GATAD2A: variants seen among roughly 807,000 people sequenced by gnomAD.
The protein encoded by GATAD2A is transcriptional repressor p66-alpha.
GATAD2A carries 12 observed loss-of-function variants against 68.5 expected under a neutral mutation model. The observed-to-expected ratio is 0.18, with a 90% CI of 0.11 to 0.28. The LOEUF (loss-of-function observed/expected upper bound fraction) is 0.28. GATAD2A is among the 10% of genes least tolerant of loss of function. The pLI is 1.00. For missense variants in GATAD2A, 755 were observed against 868.5 expected, an observed-to-expected ratio of 0.87 and a Z score of 1.64; for synonymous variants, 410 against 375.3, an observed-to-expected ratio of 1.09 and a Z score of -1.07.
In GATAD2A at chr19:19,460,445, C is replaced by A. The variant is rs115181092; in HGVS notation, c.-6-4895C>A. On this transcript the variant is annotated intron_variant, in intron 1 of 11. Transcript: ENST00000683918. ...GCTAGCACCTGGACCCCGTTGTCAT[C>A]ATCTGACTCAGCACTGGTTGCTTCA... Among the ~76,000 whole-genome samples, 1,275 of 152,316 alleles carry A rather than the reference C, an allele frequency of 8.4e-3. 20 individuals carry two copies. Among genetic ancestry groups the A allele is most frequent in the African/African-American group, 0.029 (1,220 of 41,570 alleles).
intron 2 of GATAD2A, among the ~76,000 whole-genome samples, chr19:19,475,728 C>T (rs575572645): frequency 1.3e-5 from 2 of 152,278 alleles, no homozygotes; most frequent in African/African-American, 4.8e-5. Flanking sequence ...TAGCCGCTGC[C>T]CCTCCAAACC....
At chr19:19,481,283 C>T (rs1165873138) in intron 2 of GATAD2A, among the ~76,000 whole-genome samples, 1 of 152,172 alleles carries the variant, frequency 6.6e-6, no homozygotes, top group Admixed American at 6.5e-5. Context: ...CCCCTTCCAG[C>T]AGGCTTTGGC....
At chr19:19,390,926 G>A (rs1205287163) in intron 1 of GATAD2A, among the ~76,000 whole-genome samples, 1 of 152,092 alleles carries the variant, frequency 6.6e-6, no homozygotes, top group Non-Finnish European at 1.5e-5. Flanking sequence ...CTTTGAGAGG[G>A]CCAGTGTGTG....
At chr19:19,457,413 C>T (rs942107252) in intron 1 of GATAD2A, among the ~76,000 whole-genome samples, 3 of 152,164 alleles carry the variant, frequency 2.0e-5, no homozygotes, top group Non-Finnish European at 2.9e-5. Context: ...TGAGCCCCAC[C>T]TGTGCCTGTC....
At chr19:19,479,770 C>T (rs2148227080) in intron 2 of GATAD2A, among the ~76,000 whole-genome samples, 1 of 151,970 alleles carries the variant, frequency 6.6e-6, no homozygotes, top group Admixed American at 6.6e-5. Context: ...TTCCCTCCTT[C>T]CCCTGCTCCA....
chr19:19,429,450 C>G (rs1354345145), intron 1 of GATAD2A, among the ~76,000 whole-genome samples: 1 of 152,106 alleles, frequency 6.6e-6, no homozygotes, highest in Non-Finnish European at 1.5e-5. Context: ...CCTTCACATG[C>G]ACGTAGCGCA....
chr19:19,432,284 G>GTTTTGT (rs1396336519), intron 1 of GATAD2A, among the ~76,000 whole-genome samples: 1 of 151,860 alleles, frequency 6.6e-6, no homozygotes, highest in Non-Finnish European at 1.5e-5. Context: ...AGTGGTTTTT[G>GTTTTGT]TTTTGTTTTG....
chr19:19,505,824 G>A lies in GATAD2A; in HGVS notation c.*350G>A. On this transcript the variant is annotated 3_prime_UTR_variant, in exon 12 of 12. Transcript: ENST00000683918. ...CCTTGTTCAGCCCCTGCCGGCACACGGGCGGCTCACCCTGGACACTGTGAT... is the reference window on the plus strand; with the variant it reads ...CCTTGTTCAGCCCCTGCCGGCACACAGGCGGCTCACCCTGGACACTGTGAT... 6.8e-6 allele frequency: 3 copies of A among 437,992 alleles called. No individual in the cohort carries two copies. The highest frequency in any genetic ancestry group is 6.7e-5 in the South Asian group (1 of 14,898). The allele number at this position is 437,992 out of a possible 1,614,324, so 27.1% of individuals were successfully genotyped here.
chr19:19,494,675 C>G (rs996492480), intron 5 of GATAD2A, among the ~76,000 whole-genome samples: 1 of 152,250 alleles, frequency 6.6e-6, no homozygotes, highest in Non-Finnish European at 1.5e-5. Context: ...GATCTCCCTT[C>G]GTGTTGACTC....
intron 1 of GATAD2A, among the ~76,000 whole-genome samples, chr19:19,426,800 C>T (rs2053148463): frequency 6.6e-6 from 1 of 152,224 alleles, no homozygotes; most frequent in South Asian, 2.1e-4. Flanking sequence ...AGGCGTGAGC[C>T]ACTGCCCCCG....
intron 1 of GATAD2A, among the ~76,000 whole-genome samples, chr19:19,462,609 C>T (rs765896530): frequency 1.3e-5 from 2 of 152,242 alleles, no homozygotes; most frequent in African/African-American, 2.4e-5. Flanking sequence ...CCAGCCAGCC[C>T]TCTGCTGAGG....
chr19:19,395,739 T>G (rs1210776825), intron 1 of GATAD2A, among the ~76,000 whole-genome samples: 1 of 152,208 alleles, frequency 6.6e-6, no homozygotes, highest in Non-Finnish European at 1.5e-5. Context: ...GAGTGTGTTC[T>G]TGAAGAATCG....
upstream of GATAD2A, among the ~76,000 whole-genome samples, chr19:19,403,572 A>G (rs557232799): frequency 3.1e-4 from 47 of 151,618 alleles, no homozygotes; most frequent in East Asian, 7.5e-3. Flanking sequence ...AAAAAAAAAA[A>G]GGGGTGGTTG....
At chr19:19,441,384 T>TTTTTTA (rs573943557) in intron 1 of GATAD2A, among the ~76,000 whole-genome samples, 4 of 151,642 alleles carry the variant, frequency 2.6e-5, no homozygotes, top group Admixed American at 6.6e-5. Context: ...AAGCACTAGC[T>TTTTTTA]TTTTTATTTT....
chr19:19,453,788 C>A (rs541749344), intron 1 of GATAD2A, among the ~76,000 whole-genome samples: 28 of 150,694 alleles, frequency 1.9e-4, no homozygotes, highest in Non-Finnish European at 3.7e-4. Flanking sequence ...GCAGTTCTCC[C>A]GAGTAGCTGG....
In GATAD2A at chr19:19,473,861, G is replaced by A. The variant is rs112603302; in HGVS notation, c.269+8247G>A. On this transcript the variant is annotated intron_variant, in intron 2 of 11. Coordinates refer to ENST00000683918, the MANE Select transcript of GATAD2A (RefSeq NM_001384528.1). ...CTTGGGTGGCTGAGGCAGGAGAATG[G>A]CGTGAACTCGGGAGGTCAGGCTTGC... 7.0e-3 allele frequency among the ~76,000 whole-genome samples: 1,065 copies of A among 152,128 alleles called. 10 individuals are homozygous for A. The highest frequency in any genetic ancestry group is 0.023 in the African/African-American group (969 of 41,468).
intron 1 of GATAD2A, among the ~76,000 whole-genome samples, chr19:19,443,574 G>A (rs530529529): frequency 1.3e-5 from 2 of 152,242 alleles, no homozygotes; most frequent in African/African-American, 2.4e-5. Flanking sequence ...GATTTGCTTC[G>A]TGGAAGCTAG....
In GATAD2A at chr19:19,505,565, G is replaced by A. The variant is rs142824867; in HGVS notation, c.*91G>A. On this transcript the variant is annotated 3_prime_UTR_variant, in exon 12 of 12. Coordinates refer to ENST00000683918, the MANE Select transcript of GATAD2A (RefSeq NM_001384528.1). ...CCACTGCACCACCCTCCGCTGGCTC[G>A]GGAAGACACCGTGCCCGCCCCAAGA... 8.3e-4 allele frequency: 988 copies of A among 1,195,180 alleles called. 4 individuals carry two copies. In the African/African-American group the frequency reaches 0.013, roughly 16 times the overall value. 74.0% of individuals were successfully genotyped at this position (1,195,180 alleles called of 1,614,324 possible). A position where few individuals can be genotyped will look rare whatever the true frequency, so the allele number is the denominator to read the frequency against.
intron 1 of GATAD2A, among the ~76,000 whole-genome samples, chr19:19,439,853 A>G (rs145133449): frequency 1.3e-5 from 2 of 152,146 alleles, no homozygotes; most frequent in African/African-American, 4.8e-5. Flanking sequence ...ATCTCAAAAA[A>G]CAAACAAACA....
Sources: allele counts gnomAD v4.1 joint callset (sites outside exome capture counted in the v4.1 genomes callset), GRCh38; gene constraint gnomAD v4.1.1; transcripts MANE v1.5; gene names NCBI Gene and HGNC (gene_info 2026-07-23, HGNC 2026-07-21).